The following GRK5 variants were observed in gnomAD, a reference collection of about 807,000 sequenced individuals.
The protein encoded by GRK5 is g protein-coupled receptor kinase GRK5.
GRK5 carries 40 observed loss-of-function variants against 78.4 expected under a neutral mutation model. The observed-to-expected ratio is 0.51, with a 90% CI of 0.40 to 0.66. The LOEUF (loss-of-function observed/expected upper bound fraction) is 0.66, where lower values mean the gene tolerates loss of function less well. GRK5 is among the 30% of genes least tolerant of loss of function. The pLI is 0.00. For synonymous variants in GRK5, 289 were observed against 296.8 expected (o/e 0.97, Z 0.27); for missense variants, 598 against 759.9 (o/e 0.79, Z 2.50).
intron 1 of GRK5, among the ~76,000 whole-genome samples, chr10:119,303,880 T>C (rs1850228456): frequency 6.6e-6 from 1 of 151,986 alleles, no homozygotes; most frequent in Non-Finnish European, 1.5e-5. Flanking sequence ...TCCCTTGGGT[T>C]TGGGGCTCAA....
intron 3 of GRK5, among the ~76,000 whole-genome samples, chr10:119,385,800 A>G (rs1851784570): frequency 6.6e-6 from 1 of 152,110 alleles, no homozygotes; most frequent in Non-Finnish European, 1.5e-5. Flanking sequence ...TTGAGTGGCG[A>G]AGCTCCAGGG....
rs564772066 is a variant in GRK5 at position 119,392,105 on chromosome 10, G to A, written c.262-4590G>A. 5.3e-5 allele frequency among the ~76,000 whole-genome samples: 8 copies of A among 152,318 alleles called. 1 individual carries two copies. Among genetic ancestry groups the A allele is most frequent in the African/African-American group, 1.9e-4 (8 of 41,558 alleles). The stretch of plus-strand genomic sequence containing the variant: ...TTCATAGCCAGGACATATTTTTCCT[G>A]GCAGATTCTGAGATTGATGATGCAA... On this transcript the variant is annotated intron_variant, in intron 3 of 15. Transcript: ENST00000392870.
chr10:119,436,846 G>A lies in GRK5; in HGVS notation c.929+5G>A, dbSNP rs1852930508. The A allele has an allele frequency of 6.3e-7, 1 of 1,586,868 alleles. No homozygotes were observed. Among genetic ancestry groups the A allele is most frequent in the Non-Finnish European group, 8.6e-7 (1 of 1,163,460 alleles). On this transcript the variant is annotated splice_donor_5th_base_variant and intron_variant, in intron 9 of 15. Coordinates refer to ENST00000392870, the MANE Select transcript of GRK5 (RefSeq NM_005308.3). ...CCGTGAGAACACCGTCTACCGGTGA[G>A]TGGAAGGCACCAAGGACTTCCAAGT...
Position 119,217,549 on chromosome 10 carries a change from G to T in GRK5, c.52+9580G>T, listed in dbSNP as rs999434222. Among the ~76,000 whole-genome samples, 3 of 152,234 alleles carry T rather than the reference G, an allele frequency of 2.0e-5. No individual in the cohort carries two copies. Among genetic ancestry groups the T allele is most frequent in the Non-Finnish European group, 4.4e-5 (3 of 68,046 alleles). On this transcript the variant is annotated intron_variant, in intron 1 of 15. Coordinates refer to ENST00000392870, the MANE Select transcript of GRK5 (RefSeq NM_005308.3). This position sits in a 1 kb window ranked among gnomAD's most constrained non-coding sequence, Gnocchi z 4.1. ...CGGACAAGCGAGGCCAGCCTCTTGC[G>T]TTATTTTTCCCCTCAGCATGGCTAG...
Position 119,431,600 on chromosome 10 carries a change from G to A in GRK5, c.738+73G>A, listed in dbSNP as rs375035540. 5.9e-4 allele frequency: 903 copies of A among 1,541,932 alleles called. 2 individuals are homozygous for A. The highest frequency in any genetic ancestry group is 1.3e-3 in the Middle Eastern group (6 of 4,770). Reference sequence around the variant, plus strand: ...GGGGCTTCCCTCCCTCCGGAAGGGCGTGGTCCTCTAATGCGGCCGGTCCCC... The same window carrying A: ...GGGGCTTCCCTCCCTCCGGAAGGGCATGGTCCTCTAATGCGGCCGGTCCCC... On this transcript the variant is annotated intron_variant, in intron 8 of 15. Transcript: ENST00000392870. The surrounding 1 kb of genome is among the most constrained non-coding windows in gnomAD (Gnocchi z 4.8).
intron 4 of GRK5, among the ~76,000 whole-genome samples, chr10:119,398,030 A>G (rs1270277086): frequency 6.6e-6 from 1 of 152,242 alleles, no homozygotes; most frequent in African/African-American, 2.4e-5. Context: ...TTCTAGGCAT[A>G]GAATAGGGCT....
In GRK5 at chr10:119,280,870, C is replaced by T. The variant is rs769147126; in HGVS notation, c.53-45646C>T. On this transcript the variant is annotated intron_variant, in intron 1 of 15. Coordinates refer to ENST00000392870, the MANE Select transcript of GRK5 (RefSeq NM_005308.3). ...TCCCAGCTCACTGCAACCTCTGCCT[C>T]CCGGGTTCAAGCAATTCTCCTTCCT... 7.2e-4 allele frequency among the ~76,000 whole-genome samples: 109 copies of T among 151,792 alleles called. 1 individual carries two copies. The highest frequency in any genetic ancestry group is 5.9e-4 in the Admixed American group (9 of 15,260).
intron 2 of GRK5, among the ~76,000 whole-genome samples, chr10:119,359,835 G>C (rs920719327): frequency 6.6e-6 from 1 of 152,160 alleles, no homozygotes; most frequent in African/African-American, 2.4e-5. Context: ...CGGGGGGGAG[G>C]TGTGGGTTCA....
chr10:119,382,893 G>A (rs1236478668), intron 3 of GRK5, among the ~76,000 whole-genome samples: 1 of 151,768 alleles, frequency 6.6e-6, no homozygotes, highest in Non-Finnish European at 1.5e-5. Context: ...ATCCCTAAAT[G>A]TCATTTAACA....
chr10:119,304,124 A>G (rs1249712277), intron 1 of GRK5, among the ~76,000 whole-genome samples: 1 of 151,944 alleles, frequency 6.6e-6, no homozygotes, highest in Non-Finnish European at 1.5e-5. Context: ...GTGTTTAATG[A>G]CTCAGCACAA....
rs149272438 is a variant in GRK5 at position 119,432,582 on chromosome 10, A to G, written c.738+1055A>G. ...CTCCAGGCATGTTTTATTCATGCAC[A>G]GGCTTTATTATTCTTAGCCAATGGG... On this transcript the variant is annotated intron_variant, in intron 8 of 15. Transcript: ENST00000392870. 6.5e-3 allele frequency among the ~76,000 whole-genome samples: 994 copies of G among 152,364 alleles called. 14 individuals are homozygous for G. Among genetic ancestry groups the G allele is most frequent in the African/African-American group, 0.023 (945 of 41,588 alleles).
rs1008955942 is a variant in GRK5, at chr10:119,271,294, C to T, written c.53-55222C>T. Among the ~76,000 whole-genome samples the T allele has an allele frequency of 2.6e-5, 4 of 152,236 alleles. No homozygotes were observed. The highest frequency in any genetic ancestry group is 7.2e-5 in the African/African-American group (3 of 41,470). ...CTCTTTAGAGGCTCTCTCATCCCCTCGAGCTGCCAACACAATCAAGGGTCT... is the reference window on the plus strand; with the variant it reads ...CTCTTTAGAGGCTCTCTCATCCCCTTGAGCTGCCAACACAATCAAGGGTCT... On this transcript the variant is annotated intron_variant, in intron 1 of 15. Transcript: ENST00000392870. This position sits in a 1 kb window ranked among gnomAD's most constrained non-coding sequence, Gnocchi z 4.1.
chr10:119,361,471 G>T (rs1341055657), intron 2 of GRK5, among the ~76,000 whole-genome samples: 1 of 152,210 alleles, frequency 6.6e-6, no homozygotes, highest in East Asian at 1.9e-4. Context: ...CTGCACTGGG[G>T]CACACAACCA....
At chr10:119,327,816 T>A (rs948882566) in intron 2 of GRK5, among the ~76,000 whole-genome samples, 13 of 152,184 alleles carry the variant, frequency 8.5e-5, no homozygotes, top group Non-Finnish European at 1.6e-4. Flanking sequence ...CAAGGTGGGA[T>A]CCTGAAGGGT....
intron 4 of GRK5, among the ~76,000 whole-genome samples, chr10:119,400,420 A>G (rs1284510524): frequency 1.3e-5 from 2 of 152,170 alleles, no homozygotes; most frequent in Non-Finnish European, 2.9e-5. Flanking sequence ...GATACTTGTA[A>G]TTGGCAGAAT....
intron 1 of GRK5, among the ~76,000 whole-genome samples, chr10:119,314,852 C>A (rs1490636396): frequency 6.6e-6 from 1 of 152,202 alleles, no homozygotes; most frequent in African/African-American, 2.4e-5. Flanking sequence ...GCTGGATTCC[C>A]CATGATTCTG....
At chr10:119,335,656 C>T (rs1280122975) in intron 2 of GRK5, among the ~76,000 whole-genome samples, 2 of 152,244 alleles carry the variant, frequency 1.3e-5, no homozygotes, top group Non-Finnish European at 2.9e-5. Flanking sequence ...AGCCACTGCG[C>T]CCAGCCTGCG....
chr10:119,241,690 T>C (rs1288180188), intron 1 of GRK5, among the ~76,000 whole-genome samples: 21 of 152,206 alleles, frequency 1.4e-4, no homozygotes. Context: ...GCCTTGATTG[T>C]GGAATTGCCT....
chr10:119,317,418 G>A (rs1323601979), intron 1 of GRK5, among the ~76,000 whole-genome samples: 1 of 151,276 alleles, frequency 6.6e-6, no homozygotes, highest in Non-Finnish European at 1.5e-5. Flanking sequence ...GGTGACTTCT[G>A]CCCAACTTCA....
Sources: gnomAD v4.1 joint callset for allele counts (sites outside exome capture counted in the v4.1 genomes callset) on GRCh38, gnomAD v4.1.1 for gene constraint, Gnocchi (gnomAD v3.1) non-coding constraint, MANE v1.5 for transcripts, NCBI Gene and HGNC (gene_info 2026-07-23, HGNC 2026-07-21) for gene names.